The following ARHGAP15 variants were observed in gnomAD, a reference collection of about 807,000 sequenced individuals.
ARHGAP15 encodes the protein Rho GTPase activating protein 15, also known as rho GTPase-activating protein 15.
ARHGAP15 carries 51 observed loss-of-function variants against 63.7 expected under a neutral mutation model. The ratio of observed to expected loss-of-function variants is 0.80; its 90% CI spans 0.64 to 1.01. ARHGAP15 has a LOEUF of 1.01. Ranked by LOEUF, ARHGAP15 falls within the 50% of genes least tolerant of loss-of-function variation. The probability of loss-of-function intolerance (pLI) is 0.00; values close to 1 mark genes in which losing one functional copy is unlikely to be tolerated. For synonymous variants in ARHGAP15, 191 were observed against 193.8 expected (o/e 0.99, Z 0.12); for missense variants, 560 against 564.6 (o/e 0.99, Z 0.08).
rs373847590 is a variant in ARHGAP15, at chr2:143,605,858, C to CA, written c.1004-18247dup. ...GTGAAACCCTGTCTCTACTAAAATA[C>CA]AAAAAAAAAAAAAAAAAAAAAAAAA... On this transcript the variant is annotated intron_variant, in intron 11 of 13. Transcript: ENST00000295095. Among the ~76,000 whole-genome samples the CA allele has an allele frequency of 1.6e-3, 140 of 85,298 alleles. 2 individuals carry two copies. Among genetic ancestry groups the CA allele is most frequent in the Middle Eastern group, 7.4e-3 (1 of 136 alleles). 56.0% of individuals were successfully genotyped at this position (85,298 alleles called of 152,430 possible). A position where few individuals can be genotyped will look rare whatever the true frequency, so the allele number is the denominator to read the frequency against.
chr2:143,759,877 A>T (rs1432134034), intron 13 of ARHGAP15, among the ~76,000 whole-genome samples: 1 of 152,200 alleles, frequency 6.6e-6, no homozygotes, highest in Non-Finnish European at 1.5e-5. Flanking sequence ...AATATTCAAT[A>T]AAAGAGAATC....
intron 12 of ARHGAP15, among the ~76,000 whole-genome samples, chr2:143,626,164 C>G (rs946582699): frequency 6.6e-6 from 1 of 152,200 alleles, no homozygotes; most frequent in Non-Finnish European, 1.5e-5. Flanking sequence ...ATGGCTCTTG[C>G]AAGGGTTTCT....
chr2:143,173,321 T>C (rs1690874871), intron 2 of ARHGAP15, among the ~76,000 whole-genome samples: 1 of 152,114 alleles, frequency 6.6e-6, no homozygotes. Context: ...TTTAAATGTA[T>C]GTTTTGATAA....
At chr2:143,686,383 C>CAAAAAAAA (rs35554349) in intron 12 of ARHGAP15, among the ~76,000 whole-genome samples, 1 of 55,050 alleles carries the variant, frequency 1.8e-5, no homozygotes, top group African/African-American at 8.3e-5. Context: ...GACTCTGTCT[C>CAAAAAAAA]AAAAAAAAAA....
intron 11 of ARHGAP15, among the ~76,000 whole-genome samples, chr2:143,622,059 T>C (rs1165610123): frequency 6.6e-6 from 1 of 152,096 alleles, no homozygotes; most frequent in Non-Finnish European, 1.5e-5. Flanking sequence ...TAAAGTTCAG[T>C]GCCAAAGCTA....
At chr2:143,716,227 C>CA (rs1684806702) in intron 13 of ARHGAP15, among the ~76,000 whole-genome samples, 1 of 152,102 alleles carries the variant, frequency 6.6e-6, no homozygotes, top group Non-Finnish European at 1.5e-5. Context: ...TAAAAGGGTG[C>CA]AAGCACTACA....
intron 13 of ARHGAP15, chr2:143,703,829 A>C (rs1684202624): frequency 4.6e-6 from 1 of 215,546 alleles, no homozygotes; most frequent in African/African-American, 2.3e-5. Flanking sequence ...TATCTAACAT[A>C]ATGAAAGAAC....
chr2:143,320,417 C>CCCCCCCCCCA (rs1683965442), intron 6 of ARHGAP15, among the ~76,000 whole-genome samples: 1 of 94,774 alleles, frequency 1.1e-5, no homozygotes, highest in African/African-American at 4.0e-5. Flanking sequence ...CACCCCCCCC[C>CCCCCCCCCCA]CCCCCAGAGA....
chr2:143,708,454 C>A (rs1251311737), intron 13 of ARHGAP15, among the ~76,000 whole-genome samples: 1 of 152,086 alleles, frequency 6.6e-6, no homozygotes, highest in Non-Finnish European at 1.5e-5. Context: ...TTTTCCAAAA[C>A]TTGAGTTTCC....
intron 12 of ARHGAP15, among the ~76,000 whole-genome samples, chr2:143,689,279 C>T (rs1054463245): frequency 6.6e-6 from 1 of 152,098 alleles, no homozygotes; most frequent in Non-Finnish European, 1.5e-5. Flanking sequence ...ATATAATTGT[C>T]ATCTTATTCT....
intron 8 of ARHGAP15, among the ~76,000 whole-genome samples, chr2:143,470,152 TAA>T (rs869097242): frequency 3.1e-4 from 1 of 3,198 alleles, no homozygotes; most frequent in African/African-American, 3.7e-4. Context: ...TAAGTATCCT[TAA>T]AAAAAATTTA....
At chr2:143,290,248 C>CT (rs1286363042) in intron 6 of ARHGAP15, among the ~76,000 whole-genome samples, 1 of 151,842 alleles carries the variant, frequency 6.6e-6, no homozygotes, top group Non-Finnish European at 1.5e-5. Context: ...AATAGAAGAT[C>CT]TAAGTATTGA....
chr2:143,430,618 G>A (rs1689343822), intron 6 of ARHGAP15, among the ~76,000 whole-genome samples: 2 of 151,962 alleles, frequency 1.3e-5, no homozygotes, highest in Admixed American at 1.3e-4. Flanking sequence ...TATATTTTCT[G>A]CTGGGAGTAC....
At chr2:143,234,686 A>G (rs1260054623) in intron 5 of ARHGAP15, among the ~76,000 whole-genome samples, 1 of 152,184 alleles carries the variant, frequency 6.6e-6, no homozygotes, top group Admixed American at 6.5e-5. Context: ...GTTTGGAGAA[A>G]GGCCACAAGT....
intron 6 of ARHGAP15, among the ~76,000 whole-genome samples, chr2:143,342,085 A>G (rs890097374): frequency 6.6e-6 from 1 of 152,124 alleles, no homozygotes; most frequent in Non-Finnish European, 1.5e-5. Context: ...TTCAAATACC[A>G]CAAGACTTAT....
In ARHGAP15 at chr2:143,135,203, G is replaced by A. The variant is rs567529017; in HGVS notation, c.-15+5737G>A. On this transcript the variant is annotated intron_variant, in intron 1 of 13. Transcript: ENST00000295095. ...AGGAGAGGAATTTGAGGGAATACAT[G>A]CTTCATAGTTTCTATCTTTGCCTAA... Among the ~76,000 whole-genome samples the A allele has an allele frequency of 3.3e-5, 5 of 152,256 alleles. No individual in the cohort carries two copies. In the East Asian group the frequency reaches 9.7e-4, roughly 29 times the overall value.
Position 143,312,308 on chromosome 2 carries a change from T to C in ARHGAP15, c.474+61708T>C, listed in dbSNP as rs560026392. 4.6e-5 allele frequency among the ~76,000 whole-genome samples: 7 copies of C among 152,238 alleles called. 1 individual carries two copies. The highest frequency in any genetic ancestry group is 1.7e-4 in the African/African-American group (7 of 41,574). ...TCGGCAATTCAGAATAGTTCTCTGA[T>C]CCATCTGAGAAGTAGCACTGAAGAA... On this transcript the variant is annotated intron_variant, in intron 6 of 13. Coordinates refer to ENST00000295095, the MANE Select transcript of ARHGAP15 (RefSeq NM_018460.4).
intron 3 of ARHGAP15, among the ~76,000 whole-genome samples, chr2:143,211,217 A>T (rs373215955): frequency 6.6e-6 from 1 of 152,090 alleles, no homozygotes; most frequent in Non-Finnish European, 1.5e-5. Context: ...AATGTAAGCA[A>T]TGAGTTCCAA....
At chr2:143,547,490 C>T (rs1695381331) in intron 10 of ARHGAP15, among the ~76,000 whole-genome samples, 1 of 151,722 alleles carries the variant, frequency 6.6e-6, no homozygotes, top group African/African-American at 2.4e-5. Context: ...CAAATGGAAA[C>T]CAGGAAATAA....
Sources: allele counts gnomAD v4.1 joint callset (sites outside exome capture counted in the v4.1 genomes callset), GRCh38; gene constraint gnomAD v4.1.1; transcripts MANE v1.5; gene names NCBI Gene and HGNC (gene_info 2026-07-23, HGNC 2026-07-21).